Variants in DGKI observed in about 807,000 individuals in gnomAD.
DGKI encodes the protein DAG kinase iota.
Under a neutral mutation model 147.5 loss-of-function variants are expected in DGKI, and 55 were observed. The observed-to-expected ratio is 0.37, with a 90% CI of 0.30 to 0.47. The LOEUF is 0.47. DGKI is among the 20% of genes least tolerant of loss of function. DGKI has a pLI of 1.00. For synonymous variants in DGKI, 469 were observed against 477.1 expected (o/e 0.98, Z 0.22); for missense variants, 1,007 against 1,323.8 (o/e 0.76, Z 3.71).
rs1035674985 is a variant in DGKI, at chr7:137,677,687, T to G, written c.606+870A>C. On this transcript the variant is annotated intron_variant, in intron 3 of 32. Coordinates refer to ENST00000614521, the MANE Select transcript of DGKI (RefSeq NM_001321708.2). Reference sequence around the variant, plus strand: ...ATCTGCAATTTCAAGGCCCTACATCTTGCTGCAAATATTTCTTTCACATAA... The same window carrying G: ...ATCTGCAATTTCAAGGCCCTACATCGTGCTGCAAATATTTCTTTCACATAA... Among the ~76,000 whole-genome samples the G allele has an allele frequency of 3.9e-5, 6 of 152,200 alleles. 1 individual carries two copies. The highest frequency in any genetic ancestry group is 1.4e-4 in the African/African-American group (6 of 41,444).
chr7:137,559,059 A>ATTTTT (rs1427453296), intron 19 of DGKI, among the ~76,000 whole-genome samples: 5 of 132,288 alleles, frequency 3.8e-5, no homozygotes, highest in African/African-American at 1.6e-4. Context: ...TGTACCTACA[A>ATTTTT]TTCTTTTTTT....
chr7:137,507,830 C>T lies in DGKI; in HGVS notation c.2248+14036G>A, dbSNP rs995018491. ...AGGAATTGGATAGACATGTACTCCA[C>T]GTGTTTAGAATCCAGAAGGGCTACA... On this transcript the variant is annotated intron_variant, in intron 21 of 32. Coordinates refer to ENST00000614521, the MANE Select transcript of DGKI (RefSeq NM_001321708.2). Among the ~76,000 whole-genome samples the T allele has an allele frequency of 3.9e-5, 6 of 152,058 alleles. No homozygotes were observed. In the South Asian group the frequency reaches 6.2e-4, roughly 16 times the overall value.
At chr7:137,418,419 AG>A (rs1812439239) in intron 28 of DGKI, among the ~76,000 whole-genome samples, 1 of 152,204 alleles carries the variant, frequency 6.6e-6, no homozygotes, top group African/African-American at 2.4e-5. Flanking sequence ...CTAAGGTAGA[AG>A]TTGGCATATG....
At chr7:137,733,670 A>G (rs1794945875) in intron 1 of DGKI, among the ~76,000 whole-genome samples, 1 of 152,134 alleles carries the variant, frequency 6.6e-6, no homozygotes, top group Admixed American at 6.5e-5. Context: ...ATTCTGGTGG[A>G]AGAAACAGAC....
intron 7 of DGKI, among the ~76,000 whole-genome samples, chr7:137,623,229 T>C (rs1460336315): frequency 6.6e-6 from 1 of 152,148 alleles, no homozygotes; most frequent in Non-Finnish European, 1.5e-5. Flanking sequence ...TAGGGGAGGA[T>C]TTTCTAGTCT....
At chr7:137,659,149 G>C (rs1585338542) in intron 3 of DGKI, among the ~76,000 whole-genome samples, 1 of 152,100 alleles carries the variant, frequency 6.6e-6, no homozygotes, top group Non-Finnish European at 1.5e-5. Context: ...CAGTGTTGCT[G>C]TCTTTTGTTG....
At chr7:137,728,120 G>C (rs925958355) in intron 1 of DGKI, among the ~76,000 whole-genome samples, 4 of 152,268 alleles carry the variant, frequency 2.6e-5, no homozygotes, top group African/African-American at 9.6e-5. Context: ...CAGAATGTCT[G>C]GTCAATAAAT....
chr7:137,553,563 T>A (rs931306489), intron 19 of DGKI, among the ~76,000 whole-genome samples: 1 of 150,166 alleles, frequency 6.7e-6, no homozygotes, highest in African/African-American at 2.5e-5. Context: ...AAAAAAAAAA[T>A]GTATTTAGTA....
At chr7:137,504,852 T>C (rs182930990) in intron 21 of DGKI, among the ~76,000 whole-genome samples, 2 of 152,022 alleles carry the variant, frequency 1.3e-5, no homozygotes, top group Non-Finnish European at 2.9e-5. Context: ...AAAAGCATGA[T>C]CCATGAAAGA....
chr7:137,411,036 G>A (rs1406463710), intron 29 of DGKI, among the ~76,000 whole-genome samples: 1 of 152,202 alleles, frequency 6.6e-6, no homozygotes, highest in African/African-American at 2.4e-5. Context: ...GTAACCTGTT[G>A]AAAAATGCAG....
chr7:137,657,683 C>G (rs1053463583), intron 3 of DGKI, among the ~76,000 whole-genome samples: 2 of 152,184 alleles, frequency 1.3e-5, no homozygotes, highest in Non-Finnish European at 2.9e-5. Context: ...AGTTCCTGTC[C>G]TCTTAGAGAT....
intron 1 of DGKI, among the ~76,000 whole-genome samples, chr7:137,736,984 G>A (rs1365407750): frequency 4.0e-5 from 6 of 151,884 alleles, no homozygotes; most frequent in Admixed American, 3.9e-4. Flanking sequence ...TTGAATCAAA[G>A]TTTGGGCAAT....
intron 1 of DGKI, among the ~76,000 whole-genome samples, chr7:137,816,372 C>G (rs1160440197): frequency 6.6e-6 from 1 of 152,178 alleles, no homozygotes; most frequent in Non-Finnish European, 1.5e-5. Flanking sequence ...ATACCTACCC[C>G]CTGAGGTTGT....
intron 1 of DGKI, among the ~76,000 whole-genome samples, chr7:137,770,780 G>A (rs1796169911): frequency 2.0e-5 from 1 of 49,058 alleles, no homozygotes; most frequent in Non-Finnish European, 3.4e-5. Flanking sequence ...TGATCCGCCC[G>A]CCTCGGCCTC....
chr7:137,458,314 C>T (rs1814284629), intron 27 of DGKI, among the ~76,000 whole-genome samples: 1 of 152,174 alleles, frequency 6.6e-6, no homozygotes, highest in Non-Finnish European at 1.5e-5. Flanking sequence ...TACCAGATAC[C>T]TGCCTAGACA....
At chr7:137,426,274 C>T (rs1336045358) in intron 28 of DGKI, among the ~76,000 whole-genome samples, 2 of 152,134 alleles carry the variant, frequency 1.3e-5, no homozygotes, top group East Asian at 3.9e-4. Flanking sequence ...AATTTCCAAC[C>T]CAGAATTTCA....
chr7:137,742,713 C>T (rs1795212840), intron 1 of DGKI, among the ~76,000 whole-genome samples: 1 of 149,714 alleles, frequency 6.7e-6, no homozygotes, highest in South Asian at 2.1e-4. Flanking sequence ...GAAAGGTACT[C>T]AGCTACCGGG....
chr7:137,427,565 G>A (rs927910793), intron 28 of DGKI, among the ~76,000 whole-genome samples: 2 of 152,106 alleles, frequency 1.3e-5, no homozygotes, highest in East Asian at 3.9e-4. Flanking sequence ...TAGAACTGAA[G>A]GAAATAGTGA....
chr7:137,639,110 A>G (rs1183910878), intron 6 of DGKI, among the ~76,000 whole-genome samples: 1 of 152,212 alleles, frequency 6.6e-6, no homozygotes, highest in East Asian at 1.9e-4. Flanking sequence ...CTAAATTACT[A>G]TATTTGAAAT....
Sources: gnomAD v4.1 joint callset for allele counts (sites outside exome capture counted in the v4.1 genomes callset) on GRCh38, gnomAD v4.1.1 for gene constraint, MANE v1.5 for transcripts, NCBI Gene and HGNC (gene_info 2026-07-23, HGNC 2026-07-21) for gene names.